The following ERCC5 variants were observed in gnomAD, a reference collection of about 807,000 sequenced individuals.
The protein encoded by ERCC5 is ERCC excision repair 5, endonuclease.
A neutral mutation model predicts 105.6 loss-of-function variants in ERCC5; 68 were observed. The ratio of observed to expected loss-of-function variants is 0.64; its 90% CI spans 0.53 to 0.79. ERCC5 has a LOEUF of 0.79. Among genes scored for constraint, ERCC5 ranks in the 30% least tolerant of loss-of-function variants. The probability of loss-of-function intolerance (pLI) is 0.00; values close to 1 mark genes in which losing one functional copy is unlikely to be tolerated. For missense variants in ERCC5, 1,373 were observed against 1,426.7 expected, an observed-to-expected ratio of 0.96 and a Z score of 0.61; for synonymous variants, 546 against 526.2, an observed-to-expected ratio of 1.04 and a Z score of -0.51.
chr13:102,866,042 A>AT, intron 9 of ERCC5, 131 bp downstream of exon 9: 1 of 1,559,500 alleles, frequency 6.4e-7, no homozygotes, highest in Non-Finnish European at 8.8e-7. Context: ...TGATGGCTTC[A>AT]TTTTTGTGTA....
intron 14 of ERCC5, among the ~76,000 whole-genome samples, chr13:102,874,026 A>T (rs1329260955): frequency 6.6e-6 from 1 of 152,190 alleles, no homozygotes; most frequent in East Asian, 1.9e-4. Flanking sequence ...CATGAACAAA[A>T]CTAAGACAGC....
At chr13:102,872,446 G>A (rs182803711) in intron 13 of ERCC5, 48 bp downstream of exon 13, 1 of 1,605,294 alleles carries the variant, frequency 6.2e-7, no homozygotes, top group African/African-American at 1.3e-5. Context: ...TCAAATATGT[G>A]TTTGGTTTAA....
At chr13:102,860,760 C>T (rs373675682) in intron 6 of ERCC5, among the ~76,000 whole-genome samples, 1 of 152,134 alleles carries the variant, frequency 6.6e-6, no homozygotes, top group Non-Finnish European at 1.5e-5. Context: ...GAAAAATGCC[C>T]TCCATGGGAA....
rs41551412 is a variant in ERCC5, at chr13:102,875,439, G to A, written c.3097G>A (p.Glu1033Lys). 6.8e-6 allele frequency: 11 copies of A among 1,614,056 alleles called. No individual in the cohort carries two copies. The highest frequency in any genetic ancestry group is 6.7e-5 in the East Asian group (3 of 44,896). ...LRKEKEAAAS[E>K]IEAVSVAMEK... ...GAAAGAGAAAGAAGCAGCAGCCAGC[G>A]AAATAGAAGCAGTTTCTGTTGCCAT... is the stretch of plus-strand genomic sequence containing the variant. Residue 1033 changes from glutamate (E) to lysine (K), a missense_variant, in exon 15 of 15, where the codon GAA becomes AAA. Physicochemically the swap from Glu to Lys is moderately conservative, Grantham distance 56. Around this residue, in one of 3 missense-constraint regions of ERCC5, gnomAD observed 367 missense variants for 350.2 expected, o/e 1.05. Coordinates refer to ENST00000652225, the MANE Select transcript of ERCC5 (RefSeq NM_000123.4).
chr13:102,857,503 A>G (rs1042983864), intron 5 of ERCC5, among the ~76,000 whole-genome samples: 4 of 152,250 alleles, frequency 2.6e-5, no homozygotes, highest in Admixed American at 1.3e-4. Context: ...CACATGTAAC[A>G]TACAGACATG....
Position 102,862,810 on chromosome 13 carries a change from G to A in ERCC5, c.1661G>A (p.Ser554Asn), listed in dbSNP as rs2140528381. ...CAGAACGAACTTTGCCCATATGAGAGTAAATTCGATTCTTCTCTTCTTTCA... is the reference window on the plus strand; with the variant it reads ...CAGAACGAACTTTGCCCATATGAGAATAAATTCGATTCTTCTCTTCTTTCA... ...EQQNELCPYE[S>N]KFDSSLLSSD... Residue 554 changes from serine (S) to asparagine (N), a missense_variant, in exon 8 of 15, where the codon AGT becomes AAT. Ser to Asn is a conservative substitution (Grantham distance 46). Coordinates refer to ENST00000652225, the MANE Select transcript of ERCC5 (RefSeq NM_000123.4). 1 of 1,614,194 alleles carries A rather than the reference G, an allele frequency of 6.2e-7. No homozygotes were observed. The highest frequency in any genetic ancestry group is 8.5e-7 in the Non-Finnish European group (1 of 1,180,042).
chr13:102,853,859 T>C lies in ERCC5; in HGVS notation c.367T>C (p.Phe123Leu), dbSNP rs1414569102. ...GAAAAGACAAGCCATCAAAACTGCC[T>C]TCAGAAGCAAAAGGCAAGAGGAAAA... ...FLKRQAIKTA[F>L]RSKRDEALPS... The change falls in exon 3 of 15, where the codon TTC becomes CTC. Residue 123 changes from phenylalanine to leucine, a missense_variant. Physicochemically the swap from Phe to Leu is conservative, Grantham distance 22. Coordinates refer to ENST00000652225, the MANE Select transcript of ERCC5 (RefSeq NM_000123.4). The C allele has an allele frequency of 6.2e-7, 1 of 1,614,168 alleles. No homozygotes were observed. Among genetic ancestry groups the C allele is most frequent in the Middle Eastern group, 1.6e-4 (1 of 6,062 alleles).
Position 102,866,672 on chromosome 13 carries a change from C to T in ERCC5, c.2360C>T (p.Pro787Leu), listed in dbSNP as rs201666781. The T allele has an allele frequency of 6.2e-6, 10 of 1,613,952 alleles. No individual in the cohort carries two copies. The highest frequency in any genetic ancestry group is 1.1e-5 in the South Asian group (1 of 91,088). The change falls in exon 11 of 15, where the codon CCC becomes CTC. Residue 787 changes from proline (P) to leucine (L), a missense_variant. Physicochemically the swap from Pro to Leu is moderately conservative, Grantham distance 98. Coordinates refer to ENST00000652225, the MANE Select transcript of ERCC5 (RefSeq NM_000123.4). The stretch of plus-strand genomic sequence containing the variant: ...TTCGGCATTCCCTACATCCAGGCTC[C>T]CATGGAAGCAGAGGCGCAGTGCGCC... Reference protein sequence around the residue: ...RLFGIPYIQAPMEAEAQCAIL... With the variant: ...RLFGIPYIQALMEAEAQCAIL...
chr13:102,861,191 G>A lies in ERCC5; in HGVS notation c.673-316G>A, dbSNP rs556886807. ...TTTAGTAGAGACAGGGTTTCACCAC[G>A]TTGGCCAGGCTGGTCTCGAACTCCT... On this transcript the variant is annotated intron_variant, in intron 6 of 14. Transcript: ENST00000652225. 1.1e-4 allele frequency among the ~76,000 whole-genome samples: 17 copies of A among 152,102 alleles called. No homozygotes were observed. In the South Asian group the frequency reaches 2.7e-3, roughly 24 times the overall value.
At chr13:102,849,277 G>T in intron 1 of ERCC5, 1 of 518,110 alleles carries the variant, frequency 1.9e-6, no homozygotes. Flanking sequence ...TTTTAGAACT[G>T]GTTTCCTTAT....
chr13:102,875,158 G>A (rs1472992614), intron 14 of ERCC5, 149 bp from the exon 15 acceptor site: 10 of 862,090 alleles, frequency 1.2e-5, no homozygotes, highest in African/African-American at 1.7e-5. Flanking sequence ...TAATTCACTG[G>A]GAGAGAACTG....
At position 102,851,952 on chromosome 13, in the gene ERCC5, A is replaced by C. The variant is rs146440798; in HGVS notation, c.89-166A>C. On this transcript the variant is annotated intron_variant, in intron 1 of 14. Coordinates refer to ENST00000652225, the MANE Select transcript of ERCC5 (RefSeq NM_000123.4). ...GGTAACAAGAGTTCAACTAAAAGTT[A>C]ACTGACTTTAGGTAGATCCCATGAG... is the stretch of plus-strand genomic sequence containing the variant. Among the ~76,000 whole-genome samples, 4 of 152,358 alleles carry C rather than the reference A, an allele frequency of 2.6e-5. No homozygotes were observed. In the East Asian group the frequency reaches 5.8e-4, roughly 22 times the overall value.
rs573283998 is a variant in ERCC5, at chr13:102,861,240, C to T, written c.673-267C>T. Reference sequence around the variant, plus strand: ...CTGACCTCCGGTGGTCCACCCATCTCGGCCTCCCAAAGTGCTAGGATTACA... The same window carrying T: ...CTGACCTCCGGTGGTCCACCCATCTTGGCCTCCCAAAGTGCTAGGATTACA... On this transcript the variant is annotated intron_variant, in intron 6 of 14. Transcript: ENST00000652225. 3.3e-5 allele frequency among the ~76,000 whole-genome samples: 5 copies of T among 151,396 alleles called. No homozygotes were observed. The South Asian group carries it at 6.2e-4, about 19-fold the overall frequency.
intron 6 of ERCC5, 89 bp downstream of exon 6, chr13:102,858,507 C>T (rs1595380654): frequency 1.3e-6 from 2 of 1,557,264 alleles, no homozygotes; most frequent in Non-Finnish European, 1.8e-6. Flanking sequence ...ATAAGCAATA[C>T]TTACACGATA....
intron 12 of ERCC5, among the ~76,000 whole-genome samples, chr13:102,869,238 A>G (rs1411836592): frequency 1.3e-5 from 2 of 152,090 alleles, no homozygotes; most frequent in African/African-American, 4.8e-5. Context: ...TGTATTTTAT[A>G]CTTTCTTCAT....
At chr13:102,867,682 G>T (rs1414535654) in intron 11 of ERCC5, among the ~76,000 whole-genome samples, 1 of 152,226 alleles carries the variant, frequency 6.6e-6, no homozygotes, top group African/African-American at 2.4e-5. Context: ...TGAAGTCGAG[G>T]AGGATTCCAG....
At position 102,875,718 on chromosome 13, in the gene ERCC5, G is replaced by A; in HGVS notation, c.3376G>A (p.Ala1126Thr). Residue 1126 changes from alanine (A) to threonine (T), a missense_variant, in exon 15 of 15, where the codon GCT becomes ACT. Around this residue, in one of 3 missense-constraint regions of ERCC5, gnomAD observed 367 missense variants for 350.2 expected, o/e 1.05. Coordinates refer to ENST00000652225, the MANE Select transcript of ERCC5 (RefSeq NM_000123.4). ...AGCTGCGAAAGAGCCAAAAACCAGTGCTTCAGATTCGCAGAACTCAGTGAA... is the reference window on the plus strand; with the variant it reads ...AGCTGCGAAAGAGCCAAAAACCAGTACTTCAGATTCGCAGAACTCAGTGAA... The part of the protein sequence containing the change: ...RTAAKEPKTS[A>T]SDSQNSVKEA... 1.1e-5 allele frequency: 18 copies of A among 1,614,186 alleles called. No individual in the cohort carries two copies. Among genetic ancestry groups the A allele is most frequent in the Non-Finnish European group, 1.4e-5 (16 of 1,180,028 alleles).
intron 6 of ERCC5, among the ~76,000 whole-genome samples, 195 bp from the exon 7 acceptor site, chr13:102,861,312 C>T (rs1449174363): frequency 2.0e-5 from 3 of 151,748 alleles, no homozygotes; most frequent in Middle Eastern, 3.2e-3. Flanking sequence ...TTTTTTTTTG[C>T]CCAACTCTTT....
rs1882840071 is a variant in ERCC5 at position 102,866,391 on chromosome 13, G to A, written c.2319+10G>A. 6.2e-7 allele frequency: 1 copy of A among 1,613,996 alleles called. No homozygotes were observed. The highest frequency in any genetic ancestry group is 1.7e-5 in the Admixed American group (1 of 60,008). On this transcript the variant is annotated intron_variant, in intron 10 of 14. Coordinates refer to ENST00000652225, the MANE Select transcript of ERCC5 (RefSeq NM_000123.4). ...GTTCCTGGAAAGCCAGGTGGGTGCA[G>A]GCAGCTTGGGTTTCCTTTACCACCT...
Sources: gnomAD v4.1 joint callset for allele counts (sites outside exome capture counted in the v4.1 genomes callset) on GRCh38, gnomAD v4.1.1 for gene constraint, gnomAD v4.1.1 regional missense constraint, MANE v1.5 for transcripts, NCBI Gene and HGNC (gene_info 2026-07-23, HGNC 2026-07-21) for gene names.